Variants in MTMR12 observed in about 807,000 individuals in gnomAD.
The protein encoded by MTMR12 is myotubularin related protein 12, also known as myotubularin-related protein 12.
In MTMR12, 33 loss-of-function variants were observed where a neutral mutation model predicts 96.7. The observed-to-expected ratio is 0.34, with a 90% CI of 0.26 to 0.46. The LOEUF (loss-of-function observed/expected upper bound fraction) is 0.46, where lower values mean the gene tolerates loss of function less well. Among genes scored for constraint, MTMR12 ranks in the 20% least tolerant of loss-of-function variants. MTMR12 has a pLI of 1.00. For missense variants in MTMR12, 721 were observed against 896.1 expected (o/e 0.80, Z 2.49); for synonymous variants, 298 against 327.2 (o/e 0.91, Z 0.96).
Position 32,228,569 on chromosome 5 carries a change from CATATATATATCATATATATGTGATAT to C in MTMR12, c.*1183_*1208del, listed in dbSNP as rs1747840599. 8.9e-6 allele frequency: 1 copy of C among 112,508 alleles called. No individual in the cohort carries two copies. The highest frequency in any genetic ancestry group is 4.0e-5 in the African/African-American group (1 of 25,030). The allele number at this position is 112,508 out of a possible 1,614,324, so 7.0% of individuals were successfully genotyped here. ...TCATATATATGTGATATATATATATCATATATATATCATATATATGTGATATATATATATATATCATATATATGATA... is the reference window on the plus strand; with the variant it reads ...TCATATATATGTGATATATATATATCATATATATATATCATATATATGATA... On this transcript the variant is annotated 3_prime_UTR_variant, in exon 16 of 16. Transcript: ENST00000382142.
At position 32,297,052 on chromosome 5, in the gene MTMR12, G is replaced by A. The variant is rs182751440; in HGVS notation, c.81+15706C>T. On this transcript the variant is annotated intron_variant, in intron 1 of 15. Transcript: ENST00000382142. Reference sequence around the variant, plus strand: ...TGGGAGGCGGAGCTTGCAGTGAGCCGAGATCGCGCCACTGCACTCCAGCCT... The same window carrying A: ...TGGGAGGCGGAGCTTGCAGTGAGCCAAGATCGCGCCACTGCACTCCAGCCT... Among the ~76,000 whole-genome samples the A allele has an allele frequency of 3.6e-3, 521 of 146,198 alleles. 5 individuals are homozygous for A. The highest frequency in any genetic ancestry group is 0.013 in the African/African-American group (498 of 39,398).
intron 1 of MTMR12, among the ~76,000 whole-genome samples, chr5:32,294,909 G>A (rs531071885): frequency 1.3e-5 from 2 of 152,136 alleles, no homozygotes; most frequent in African/African-American, 2.4e-5. Flanking sequence ...AAGTATCACC[G>A]AACTATTGTC....
At chr5:32,292,028 C>G (rs1423872600) in intron 1 of MTMR12, among the ~76,000 whole-genome samples, 3 of 152,188 alleles carry the variant, frequency 2.0e-5, no homozygotes, top group Non-Finnish European at 1.5e-5. Context: ...TTGCCTCTGA[C>G]CAAGGCACTC....
chr5:32,246,189 T>C (rs1466721330), intron 10 of MTMR12, among the ~76,000 whole-genome samples: 2 of 149,760 alleles, frequency 1.3e-5, no homozygotes, highest in Non-Finnish European at 2.9e-5. Flanking sequence ...TTTTTTGAGA[T>C]GGAGTCTTGC....
At chr5:32,302,951 A>G (rs1275779524) in intron 1 of MTMR12, among the ~76,000 whole-genome samples, 1 of 152,216 alleles carries the variant, frequency 6.6e-6, no homozygotes, top group Non-Finnish European at 1.5e-5. Context: ...CCACACAAGG[A>G]ACTTTCCTGG....
At chr5:32,300,048 C>T (rs1223745286) in intron 1 of MTMR12, among the ~76,000 whole-genome samples, 3 of 152,214 alleles carry the variant, frequency 2.0e-5, no homozygotes, top group African/African-American at 7.2e-5. Context: ...GCAGCTCCGA[C>T]CTCTGTGCAG....
intron 1 of MTMR12, among the ~76,000 whole-genome samples, chr5:32,304,665 C>G (rs1295649116): frequency 2.6e-5 from 4 of 152,236 alleles, no homozygotes; most frequent in African/African-American, 9.6e-5. Context: ...GGGGTCCCCA[C>G]AGCCTAAAAT....
At chr5:32,253,097 T>C (rs1023488895) in intron 8 of MTMR12, among the ~76,000 whole-genome samples, 1 of 152,218 alleles carries the variant, frequency 6.6e-6, no homozygotes, top group Non-Finnish European at 1.5e-5. Context: ...CATTTGGCAA[T>C]ACCTGGACAT....
intron 1 of MTMR12, among the ~76,000 whole-genome samples, chr5:32,292,434 G>A (rs190742241): frequency 6.6e-6 from 1 of 152,274 alleles, no homozygotes; most frequent in East Asian, 1.9e-4. Flanking sequence ...GCTGCCACCA[G>A]GAGACACAAC....
At chr5:32,296,135 G>T (rs1750912446) in intron 1 of MTMR12, among the ~76,000 whole-genome samples, 2 of 151,792 alleles carry the variant, frequency 1.3e-5, no homozygotes, top group Admixed American at 1.3e-4. Flanking sequence ...TTCCAGCCTG[G>T]ACGATGAGGC....
intron 10 of MTMR12, 32 bp from the exon 11 acceptor site, chr5:32,243,631 G>T: frequency 7.1e-7 from 1 of 1,416,574 alleles, no homozygotes; most frequent in Non-Finnish European, 1.0e-6. Context: ...AAGACGTCAG[G>T]TCATTGTTCA....
intron 13 of MTMR12, among the ~76,000 whole-genome samples, chr5:32,236,325 A>G (rs1748226617): frequency 6.6e-6 from 1 of 152,244 alleles, no homozygotes; most frequent in East Asian, 1.9e-4. Context: ...AGGCAGATGG[A>G]TCGCCTGAGC....
intron 8 of MTMR12, among the ~76,000 whole-genome samples, chr5:32,249,890 T>C (rs368158729): frequency 5.9e-4 from 90 of 152,352 alleles, no homozygotes; most frequent in African/African-American, 1.9e-3. Flanking sequence ...GAGTCCTGCA[T>C]AAAGGCCTGG....
In MTMR12 at chr5:32,233,683, T is replaced by C; in HGVS notation, c.1674+90A>G. The C allele has an allele frequency of 1.9e-6, 3 of 1,560,758 alleles. No individual in the cohort carries two copies. The highest frequency in any genetic ancestry group is 2.2e-5 in the East Asian group (1 of 44,542). On this transcript the variant is annotated intron_variant, in intron 15 of 15. Coordinates refer to ENST00000382142, the MANE Select transcript of MTMR12 (RefSeq NM_001040446.3). The surrounding 1 kb of genome is among the most constrained non-coding windows in gnomAD (Gnocchi z 5.0). Reference sequence around the variant, plus strand: ...GCAGACTGCTTCGAGGGGTAGAAAATGCTGGCAGACAGAATCCGTAAGTAC... The same window carrying C: ...GCAGACTGCTTCGAGGGGTAGAAAACGCTGGCAGACAGAATCCGTAAGTAC...
chr5:32,273,673 G>A (rs1247220528), intron 3 of MTMR12, among the ~76,000 whole-genome samples: 1 of 152,080 alleles, frequency 6.6e-6, no homozygotes, highest in East Asian at 1.9e-4. Context: ...GACCCTGAAC[G>A]ACAGAGAGCA....
At chr5:32,249,583 G>A (rs1213096681) in intron 8 of MTMR12, among the ~76,000 whole-genome samples, 1 of 152,140 alleles carries the variant, frequency 6.6e-6, no homozygotes, top group African/African-American at 2.4e-5. Flanking sequence ...TATAAAATAA[G>A]GTAGAATGTA....
At chr5:32,271,787 A>G (rs149433808) in intron 4 of MTMR12, 46 bp downstream of exon 4, 27,732 of 1,166,632 alleles carry the variant, frequency 0.024, 445 homozygotes, top group Middle Eastern at 0.03. Flanking sequence ...ATTATCACCT[A>G]TACTCTCAAA....
In MTMR12 at chr5:32,260,214, T is replaced by C. The variant is rs1031503079; in HGVS notation, c.713+2899A>G. 4.0e-5 allele frequency among the ~76,000 whole-genome samples: 6 copies of C among 151,368 alleles called. No individual in the cohort carries two copies. The East Asian group carries it at 7.9e-4, about 20-fold the overall frequency. On this transcript the variant is annotated intron_variant, in intron 7 of 15. Transcript: ENST00000382142. Reference sequence around the variant, plus strand: ...GGGACACAAAGCTGCAGTCAAACCATGAAGGGCCTTGAGAGTGCTTGTTGA... The same window carrying C: ...GGGACACAAAGCTGCAGTCAAACCACGAAGGGCCTTGAGAGTGCTTGTTGA...
chr5:32,241,848 G>C (rs1209952588), intron 12 of MTMR12, among the ~76,000 whole-genome samples: 1 of 152,186 alleles, frequency 6.6e-6, no homozygotes, highest in Non-Finnish European at 1.5e-5. Flanking sequence ...CTGTGAATAG[G>C]TCTGCCAAGT....
Sources: gnomAD v4.1 joint callset for allele counts (sites outside exome capture counted in the v4.1 genomes callset) on GRCh38, gnomAD v4.1.1 for gene constraint, Gnocchi (gnomAD v3.1) non-coding constraint, MANE v1.5 for transcripts, NCBI Gene and HGNC (gene_info 2026-07-23, HGNC 2026-07-21) for gene names.